SDK1: variants seen among roughly 807,000 people sequenced by gnomAD.
The protein encoded by SDK1 is sidekick cell adhesion molecule 1, also known as protein sidekick-1.
Under a neutral mutation model 245.5 loss-of-function variants are expected in SDK1, and 157 were observed. The ratio of observed to expected loss-of-function variants is 0.64; its 90% CI spans 0.56 to 0.73. The LOEUF is 0.73. Ranked by LOEUF, SDK1 falls within the 30% of genes least tolerant of loss-of-function variation. The probability of loss-of-function intolerance (pLI) is 0.00; values close to 1 mark genes in which losing one functional copy is unlikely to be tolerated. For missense variants in SDK1, 3,583 were observed against 3,002.3 expected (o/e 1.19, Z -4.52); for synonymous variants, 1,647 against 1,278.5 (o/e 1.29, Z -6.15).
intron 4 of SDK1, among the ~76,000 whole-genome samples, chr7:3,782,526 A>G (rs183467307): frequency 1.2e-3 from 184 of 152,350 alleles, no homozygotes; most frequent in Non-Finnish European, 2.1e-3. Context: ...TAGTAATACA[A>G]TTATCAAAAA....
chr7:3,493,315 A>C (rs1781920929), intron 1 of SDK1, among the ~76,000 whole-genome samples: 1 of 152,184 alleles, frequency 6.6e-6, no homozygotes, highest in Non-Finnish European at 1.5e-5. Flanking sequence ...CTAACTGTCC[A>C]TTCAGGACAT....
intron 20 of SDK1, among the ~76,000 whole-genome samples, chr7:4,075,740 C>T (rs762127257): frequency 1.3e-5 from 2 of 151,938 alleles, no homozygotes; most frequent in Admixed American, 6.6e-5. Context: ...CTGCAACCTC[C>T]GCCTCCCAGG....
intron 4 of SDK1, among the ~76,000 whole-genome samples, chr7:3,669,743 T>C (rs903232964): frequency 6.6e-6 from 1 of 152,196 alleles, no homozygotes; most frequent in African/African-American, 2.4e-5. Context: ...CAATTTTACA[T>C]CTCCAGCCCA....
intron 4 of SDK1, among the ~76,000 whole-genome samples, chr7:3,687,099 A>C (rs1172420748): frequency 1.4e-5 from 2 of 147,230 alleles, no homozygotes; most frequent in Non-Finnish European, 1.5e-5. Flanking sequence ...ACACACACAC[A>C]CCACCCTGTA....
At chr7:3,768,040 A>G (rs948159922) in intron 4 of SDK1, among the ~76,000 whole-genome samples, 1 of 152,204 alleles carries the variant, frequency 6.6e-6, no homozygotes, top group African/African-American at 2.4e-5. Context: ...GCAGGGCATT[A>G]ATCTTTCTAA....
chr7:4,134,416 A>T (rs1170321349), intron 28 of SDK1, among the ~76,000 whole-genome samples: 2 of 152,150 alleles, frequency 1.3e-5, no homozygotes, highest in Non-Finnish European at 2.9e-5. Context: ...TGGGGTAGGA[A>T]ATGGTCTGCC....
At chr7:3,599,556 A>C (rs557323072) in intron 1 of SDK1, among the ~76,000 whole-genome samples, 1 of 152,276 alleles carries the variant, frequency 6.6e-6, no homozygotes, top group South Asian at 2.1e-4. Flanking sequence ...CCCACATTAC[A>C]AATATTTTCT....
intron 5 of SDK1, among the ~76,000 whole-genome samples, chr7:3,865,689 T>C (rs557613284): frequency 1.3e-5 from 2 of 151,898 alleles, no homozygotes; most frequent in East Asian, 3.9e-4. Flanking sequence ...TTTTCTTTTT[T>C]TTTTTTTTAG....
At chr7:3,486,326 G>C (rs1392455878) in intron 1 of SDK1, among the ~76,000 whole-genome samples, 1 of 151,756 alleles carries the variant, frequency 6.6e-6, no homozygotes, top group Admixed American at 6.6e-5. Context: ...AGTTAGACTT[G>C]GCAAAACTTA....
At chr7:4,102,268 C>G (rs931781540) in intron 22 of SDK1, among the ~76,000 whole-genome samples, 56 of 152,290 alleles carry the variant, frequency 3.7e-4, no homozygotes, top group African/African-American at 1.3e-3. Context: ...CAGGGGCCCT[C>G]CAGCCACCTC....
At chr7:3,660,509 C>T (rs1783317934) in intron 4 of SDK1, among the ~76,000 whole-genome samples, 1 of 152,078 alleles carries the variant, frequency 6.6e-6, no homozygotes, top group Non-Finnish European at 1.5e-5. Context: ...ATGGGAGAGC[C>T]TATCTTTCCA....
At chr7:3,704,122 A>G (rs1474865491) in intron 4 of SDK1, among the ~76,000 whole-genome samples, 2 of 152,108 alleles carry the variant, frequency 1.3e-5, no homozygotes, top group Admixed American at 1.3e-4. Context: ...GCTTCCACTT[A>G]TAAGTGAGAA....
intron 19 of SDK1, among the ~76,000 whole-genome samples, chr7:4,057,080 C>T (rs1779251851): frequency 6.6e-6 from 1 of 152,284 alleles, no homozygotes; most frequent in East Asian, 1.9e-4. Context: ...TCAGACTCTC[C>T]CACCCACAGT....
Position 4,013,957 on chromosome 7 carries a change from T to C in SDK1, c.2420+1722T>C, listed in dbSNP as rs570091685. ...TTCCTAATTGCCTGACCACCTCCGC[T>C]CCAGAAAACAGCCCCGTGTCCCCGC... On this transcript the variant is annotated intron_variant, in intron 16 of 44. Coordinates refer to ENST00000404826, the MANE Select transcript of SDK1 (RefSeq NM_152744.4). Among the ~76,000 whole-genome samples the C allele has an allele frequency of 9.2e-5, 14 of 152,314 alleles. 1 individual carries two copies. In the South Asian group the frequency reaches 2.9e-3, roughly 32 times the overall value.
intron 1 of SDK1, among the ~76,000 whole-genome samples, chr7:3,406,597 C>A (rs920291872): frequency 1.3e-5 from 2 of 152,120 alleles, no homozygotes; most frequent in African/African-American, 4.8e-5. Context: ...AGTGAAACAT[C>A]ATACTGAAAA....
At chr7:3,574,858 G>C (rs1255986469) in intron 1 of SDK1, among the ~76,000 whole-genome samples, 1 of 152,074 alleles carries the variant, frequency 6.6e-6, no homozygotes, top group Non-Finnish European at 1.5e-5. Context: ...ATTAAGAAGA[G>C]AAGTACCAAT....
chr7:3,951,835 G>C lies in SDK1; in HGVS notation c.1065G>C (p.Ala355=). ...TCACCATCAGCAACCCGACGTCCGCGGACACCGGGCCATACGTCTGCGAGG... is the reference window on the plus strand; with the variant it reads ...TCACCATCAGCAACCCGACGTCCGCCGACACCGGGCCATACGTCTGCGAGG... ...RRLTISNPTS[A]DTGPYVCEAA... The change falls in exon 7 of 45, where the codon GCG becomes GCC. Residue 355 remains alanine, a synonymous_variant. Coordinates refer to ENST00000404826, the MANE Select transcript of SDK1 (RefSeq NM_152744.4). 1 of 1,613,818 alleles carries C rather than the reference G, an allele frequency of 6.2e-7. No homozygotes were observed. The highest frequency in any genetic ancestry group is 1.3e-5 in the African/African-American group (1 of 75,032).
At chr7:3,562,675 C>T (rs1307549763) in intron 1 of SDK1, among the ~76,000 whole-genome samples, 1 of 152,112 alleles carries the variant, frequency 6.6e-6, no homozygotes, top group East Asian at 1.9e-4. Context: ...ATAAACTTAC[C>T]ATTTTTAAGT....
intron 5 of SDK1, among the ~76,000 whole-genome samples, chr7:3,892,267 C>T (rs1781478870): frequency 6.6e-6 from 1 of 152,188 alleles, no homozygotes; most frequent in Non-Finnish European, 1.5e-5. Context: ...ACAACAAACA[C>T]TTATTTTTCA....
Sources: allele counts gnomAD v4.1 joint callset (sites outside exome capture counted in the v4.1 genomes callset), GRCh38; gene constraint gnomAD v4.1.1; transcripts MANE v1.5; gene names NCBI Gene and HGNC (gene_info 2026-07-23, HGNC 2026-07-21).